Variants in PPM1L observed in about 807,000 individuals in gnomAD.
The protein encoded by PPM1L is protein phosphatase 1L.
PPM1L carries 13 observed loss-of-function variants against 31.4 expected under a neutral mutation model. The observed-to-expected ratio is 0.41, with a 90% CI of 0.27 to 0.66. The LOEUF (loss-of-function observed/expected upper bound fraction) is 0.66, where lower values mean the gene tolerates loss of function less well. Ranked by LOEUF, PPM1L falls within the 30% of genes least tolerant of loss-of-function variation. PPM1L has a pLI of 0.29. For missense variants in PPM1L, 326 were observed against 453.7 expected (o/e 0.72, Z 2.56); for synonymous variants, 184 against 175.4 (o/e 1.05, Z -0.39).
chr3:160,809,012 G>T (rs1431469087), intron 1 of PPM1L, among the ~76,000 whole-genome samples: 2 of 152,126 alleles, frequency 1.3e-5, no homozygotes, highest in African/African-American at 4.8e-5. Context: ...CCACAGAAGG[G>T]TGCGTGCACT....
At chr3:160,998,488 T>TC (rs1435304366) in intron 2 of PPM1L, among the ~76,000 whole-genome samples, 2 of 152,154 alleles carry the variant, frequency 1.3e-5, no homozygotes, top group African/African-American at 4.8e-5. Context: ...CCCTTTTTTT[T>TC]CCCTTTGCAG....
chr3:160,975,378 A>G (rs1339593202), intron 2 of PPM1L, among the ~76,000 whole-genome samples: 1 of 151,964 alleles, frequency 6.6e-6, no homozygotes, highest in Non-Finnish European at 1.5e-5. Flanking sequence ...TTCCATATGA[A>G]CTTTAAAGTA....
At chr3:160,896,425 G>A (rs762656561) in intron 1 of PPM1L, among the ~76,000 whole-genome samples, 4 of 151,650 alleles carry the variant, frequency 2.6e-5, no homozygotes, top group Non-Finnish European at 5.9e-5. Context: ...TTTAAGTATT[G>A]TAAGTTAAGG....
At chr3:160,831,954 G>A (rs1009446612) in intron 1 of PPM1L, among the ~76,000 whole-genome samples, 2 of 152,186 alleles carry the variant, frequency 1.3e-5, no homozygotes, top group South Asian at 4.1e-4. Flanking sequence ...TAGTATTAAT[G>A]AAGTTAATGA....
At chr3:161,033,853 C>A (rs1411287396) in intron 2 of PPM1L, among the ~76,000 whole-genome samples, 4 of 152,094 alleles carry the variant, frequency 2.6e-5, no homozygotes, top group Admixed American at 1.3e-4. Context: ...AGATATAATT[C>A]AACTAAAGAG....
chr3:160,917,254 G>A (rs979167541), intron 1 of PPM1L, among the ~76,000 whole-genome samples: 9 of 152,166 alleles, frequency 5.9e-5, no homozygotes, highest in Non-Finnish European at 1.0e-4. Context: ...TTCCACTGCT[G>A]CTTAAAGTTA....
intron 1 of PPM1L, among the ~76,000 whole-genome samples, chr3:160,782,573 G>A (rs1711781038): frequency 6.6e-6 from 1 of 152,168 alleles, no homozygotes; most frequent in Non-Finnish European, 1.5e-5. Flanking sequence ...TGAAAAAAAT[G>A]CATAAAATGT....
At chr3:160,975,204 A>G (rs1716521675) in intron 2 of PPM1L, among the ~76,000 whole-genome samples, 1 of 152,060 alleles carries the variant, frequency 6.6e-6, no homozygotes, top group South Asian at 2.1e-4. Context: ...GTTATTTCTG[A>G]GGGCTCTGTT....
At chr3:160,918,676 T>A (rs1714274774) in intron 1 of PPM1L, among the ~76,000 whole-genome samples, 1 of 152,192 alleles carries the variant, frequency 6.6e-6, no homozygotes, top group South Asian at 2.1e-4. Flanking sequence ...TCTATAATTT[T>A]AAAAAATACT....
At chr3:160,983,063 A>G (rs1716854072) in intron 2 of PPM1L, among the ~76,000 whole-genome samples, 1 of 152,222 alleles carries the variant, frequency 6.6e-6, no homozygotes, top group African/African-American at 2.4e-5. Context: ...AAATGCCTTC[A>G]CAGAATTAGA....
chr3:160,944,951 TA>T (rs1715329080), intron 1 of PPM1L, among the ~76,000 whole-genome samples: 1 of 57,580 alleles, frequency 1.7e-5, no homozygotes, highest in African/African-American at 6.7e-5. Flanking sequence ...TATAACTATA[TA>T]TAACTATATA....
intron 2 of PPM1L, among the ~76,000 whole-genome samples, chr3:160,995,916 G>T (rs1227584819): frequency 2.0e-5 from 3 of 152,148 alleles, no homozygotes; most frequent in African/African-American, 7.2e-5. Context: ...TTGGAAGTTT[G>T]AGAAAAGAGG....
At chr3:160,783,135 G>A (rs1371716817) in intron 1 of PPM1L, among the ~76,000 whole-genome samples, 1 of 152,158 alleles carries the variant, frequency 6.6e-6, no homozygotes, top group Admixed American at 6.5e-5. Context: ...CTCCTTTAGA[G>A]CGGCTTTTAT....
At chr3:160,854,388 A>T (rs962683168) in intron 1 of PPM1L, among the ~76,000 whole-genome samples, 1 of 152,172 alleles carries the variant, frequency 6.6e-6, no homozygotes, top group Non-Finnish European at 1.5e-5. Context: ...TGTTTTTAGG[A>T]TATACGTATC....
chr3:160,808,970 A>G (rs887432370), intron 1 of PPM1L, among the ~76,000 whole-genome samples: 4 of 152,056 alleles, frequency 2.6e-5, no homozygotes, highest in Non-Finnish European at 5.9e-5. Context: ...GGAACTGATT[A>G]GATGACTTGA....
At chr3:161,006,835 A>C (rs1717727302) in intron 2 of PPM1L, among the ~76,000 whole-genome samples, 1 of 151,896 alleles carries the variant, frequency 6.6e-6, no homozygotes, top group Non-Finnish European at 1.5e-5. Context: ...GGCACCCGCC[A>C]CCACGCCCAG....
At chr3:160,907,666 G>A (rs1466611498) in intron 1 of PPM1L, among the ~76,000 whole-genome samples, 2 of 152,164 alleles carry the variant, frequency 1.3e-5, no homozygotes, top group Admixed American at 6.5e-5. Context: ...GCGTGGCAGA[G>A]TTAAGGATAA....
intron 2 of PPM1L, among the ~76,000 whole-genome samples, chr3:160,995,756 G>A (rs1717300252): frequency 1.3e-5 from 2 of 152,194 alleles, no homozygotes; most frequent in African/African-American, 4.8e-5. Flanking sequence ...GAATAGATGT[G>A]AGAGATAGGA....
rs1037674886 is a variant in PPM1L, at chr3:160,985,934, A to T, written c.574+24024A>T. Among the ~76,000 whole-genome samples, 4 of 151,596 alleles carry T rather than the reference A, an allele frequency of 2.6e-5. No individual in the cohort carries two copies. The South Asian group carries it at 8.3e-4, about 31-fold the overall frequency. On this transcript the variant is annotated intron_variant, in intron 2 of 3. Coordinates refer to ENST00000498165, the MANE Select transcript of PPM1L (RefSeq NM_139245.4). ...GTATGATTTTTTTATTTTATTATAG[A>T]TGCCTATATTGATGGCACAGTTCTC...
Sources: gnomAD v4.1 joint callset for allele counts (sites outside exome capture counted in the v4.1 genomes callset) on GRCh38, gnomAD v4.1.1 for gene constraint, MANE v1.5 for transcripts, NCBI Gene and HGNC (gene_info 2026-07-23, HGNC 2026-07-21) for gene names.